The following TTC21B variants were observed in gnomAD, a reference collection of about 807,000 sequenced individuals.
TTC21B encodes the protein tetratricopeptide repeat domain 21B, also known as tetratricopeptide repeat protein 21B.
TTC21B carries 127 observed loss-of-function variants against 175.1 expected under a neutral mutation model. That is an observed-to-expected ratio of 0.73 (90% CI 0.63 to 0.84). TTC21B has a LOEUF of 0.84. Among genes scored for constraint, TTC21B ranks in the 40% least tolerant of loss-of-function variants. The pLI, the probability that TTC21B is intolerant of heterozygous loss-of-function variation, is 0.00. For missense variants in TTC21B, 1,561 were observed against 1,558.3 expected (o/e 1.00, Z -0.03); for synonymous variants, 524 against 524.5 (o/e 1.00, Z 0.01).
At chr2:165,951,594 A>G (rs944705324) in intron 1 of TTC21B, among the ~76,000 whole-genome samples, 3 of 151,944 alleles carry the variant, frequency 2.0e-5, no homozygotes, top group Non-Finnish European at 2.9e-5. Flanking sequence ...AGGTTCTTCT[A>G]TTTCTCCAGT....
At chr2:165,875,021 A>G (rs998366949) in intron 28 of TTC21B, among the ~76,000 whole-genome samples, 189 bp from the exon 29 acceptor site, 3 of 152,212 alleles carry the variant, frequency 2.0e-5, no homozygotes, top group African/African-American at 7.2e-5. Context: ...TGGTAGTTAG[A>G]TGAGAACAAT....
intron 5 of TTC21B, among the ~76,000 whole-genome samples, chr2:165,942,966 G>C (rs1687424057): frequency 6.6e-6 from 1 of 152,174 alleles, no homozygotes; most frequent in Non-Finnish European, 1.5e-5. Flanking sequence ...GCTGAGGAAA[G>C]AATGTGTGAA....
Position 165,924,798 on chromosome 2 carries a change from G to T in TTC21B, c.1387-120C>A, listed in dbSNP as rs1686566752. On this transcript the variant is annotated intron_variant, in intron 11 of 28. Transcript: ENST00000243344. ...ATATACATTTTTCTAAAATTTCTTT[G>T]ATTTAACTTATTTTGTAATACCTTT... 5 of 1,131,794 alleles carry T rather than the reference G, an allele frequency of 4.4e-6. No individual in the cohort carries two copies. The Admixed American group carries it at 7.2e-5, about 16-fold the overall frequency. The allele number at this position is 1,131,794 out of a possible 1,614,324, so 70.1% of individuals were successfully genotyped here.
At chr2:165,952,631 AAAT>A (rs1687793278) in intron 1 of TTC21B, among the ~76,000 whole-genome samples, 1 of 152,208 alleles carries the variant, frequency 6.6e-6, no homozygotes, top group Non-Finnish European at 1.5e-5. Context: ...GTGGCAGTGC[AAAT>A]AATACATTTA....
intron 6 of TTC21B, among the ~76,000 whole-genome samples, chr2:165,934,500 C>CG (rs1553514791): frequency 7.0e-5 from 5 of 71,906 alleles, no homozygotes; most frequent in Non-Finnish European, 1.2e-4. Context: ...GACTCTGTCT[C>CG]AAAAAAAAAA....
At chr2:165,935,449 A>T (rs1438321940) in intron 6 of TTC21B, among the ~76,000 whole-genome samples, 1 of 152,198 alleles carries the variant, frequency 6.6e-6, no homozygotes, top group Non-Finnish European at 1.5e-5. Flanking sequence ...CGGAGAGATT[A>T]AATAAATTAT....
chr2:165,916,491 T>TTA (rs1336142850), intron 14 of TTC21B, among the ~76,000 whole-genome samples: 4 of 152,206 alleles, frequency 2.6e-5, no homozygotes, highest in Admixed American at 2.6e-4. Context: ...ATATCTGACT[T>TTA]TATAATATTC....
At chr2:165,945,399 G>T in intron 4 of TTC21B, 125 bp downstream of exon 4, 1 of 855,762 alleles carries the variant, frequency 1.2e-6, no homozygotes, top group Non-Finnish European at 1.8e-6. Context: ...TTAAAATAAA[G>T]CTGTTATTTA....
At chr2:165,928,258 G>T (rs926163573) in intron 11 of TTC21B, among the ~76,000 whole-genome samples, 2 of 152,072 alleles carry the variant, frequency 1.3e-5, no homozygotes, top group African/African-American at 4.8e-5. Flanking sequence ...AATCTGAAAA[G>T]ATAAAATTTC....
chr2:165,947,265 G>T (rs1257845043), intron 3 of TTC21B: 1 of 140,532 alleles, frequency 7.1e-6, no homozygotes, highest in Non-Finnish European at 1.5e-5. Flanking sequence ...AATCAGCCAT[G>T]CAATGAGGAA....
chr2:165,920,746 TAAATATTTA>T (rs1395108558), intron 12 of TTC21B, among the ~76,000 whole-genome samples: 1 of 137,756 alleles, frequency 7.3e-6, no homozygotes, highest in Non-Finnish European at 1.6e-5. Flanking sequence ...GGTAGGATAC[TAAATATTTA>T]AAATATTTTG....
intron 12 of TTC21B, 85 bp downstream of exon 12, chr2:165,924,464 A>C: frequency 2.3e-6 from 3 of 1,316,008 alleles, no homozygotes; most frequent in East Asian, 2.4e-5. Context: ...ACTATTCTCT[A>C]TATATACACA....
chr2:165,894,638 G>T (rs947341228), intron 22 of TTC21B, among the ~76,000 whole-genome samples: 1 of 152,120 alleles, frequency 6.6e-6, no homozygotes, highest in Admixed American at 6.5e-5. Context: ...GCAGTGGTGT[G>T]ATCTTGGCTC....
At chr2:165,885,014 G>A (rs572931674) in intron 25 of TTC21B, among the ~76,000 whole-genome samples, 2 of 152,262 alleles carry the variant, frequency 1.3e-5, no homozygotes, top group African/African-American at 4.8e-5. Context: ...GCTGAGTGTG[G>A]TGGCCAGCCC....
chr2:165,914,655 ATCTGTGTG>A lies in TTC21B; in HGVS notation c.2138+538_2138+545del, dbSNP rs973394427. On this transcript the variant is annotated intron_variant, in intron 15 of 28. Transcript: ENST00000243344. The stretch of plus-strand genomic sequence containing the variant: ...CTGTTTGGGGAGAAGAGGAAGAGCA[ATCTGTGTG>A]TGTGTGTGTGTGTGTGTGTGTGTGT... 5.8e-4 allele frequency among the ~76,000 whole-genome samples: 44 copies of A among 75,706 alleles called. No homozygotes were observed. The East Asian group carries it at 0.022, about 38-fold the overall frequency. 49.7% of individuals were successfully genotyped at this position (75,706 alleles called of 152,430 possible).
chr2:165,916,406 TTCC>T (rs767148714), intron 14 of TTC21B, among the ~76,000 whole-genome samples: 6 of 152,222 alleles, frequency 3.9e-5, no homozygotes, highest in Non-Finnish European at 8.8e-5. Context: ...TGACTTTGAG[TTCC>T]TCATTTTCTA....
At chr2:165,948,043 A>G (rs1687642230) in intron 3 of TTC21B, 1 of 151,926 alleles carries the variant, frequency 6.6e-6, no homozygotes, top group South Asian at 2.1e-4. Flanking sequence ...AGCTAAACAC[A>G]CTCCCACTGG....
At chr2:165,891,575 ATTC>A (rs1685195680) in intron 22 of TTC21B, among the ~76,000 whole-genome samples, 2 of 13,778 alleles carry the variant, frequency 1.5e-4, no homozygotes, top group African/African-American at 5.6e-4. Context: ...TCTAAAAAAA[ATTC>A]ATTCATTCAT....
In TTC21B at chr2:165,913,439, A is replaced by C. The variant is rs141635439; in HGVS notation, c.2211+135T>G. ...TTATTTTATTTATCCTTTAAAATGG[A>C]TATCTCCCTTTTACTGTGATGGCTG... On this transcript the variant is annotated intron_variant, in intron 16 of 28. Transcript: ENST00000243344. 1,265 of 639,044 alleles carry C rather than the reference A, an allele frequency of 2.0e-3. 15 individuals carry two copies. In the African/African-American group the frequency reaches 0.021, roughly 11 times the overall value. 39.6% of individuals were successfully genotyped at this position (639,044 alleles called of 1,614,324 possible).
Sources: gnomAD v4.1 joint callset for allele counts (sites outside exome capture counted in the v4.1 genomes callset) on GRCh38, gnomAD v4.1.1 for gene constraint, MANE v1.5 for transcripts, NCBI Gene and HGNC (gene_info 2026-07-23, HGNC 2026-07-21) for gene names.